The following ZFP64 variants were observed in gnomAD, a reference collection of about 807,000 sequenced individuals.
ZFP64 encodes ZFP64 zinc finger protein.
In ZFP64, 14 loss-of-function variants were observed where a neutral mutation model predicts 51.6. That is an observed-to-expected ratio of 0.27 (90% CI 0.18 to 0.42). The LOEUF is 0.42. Among genes scored for constraint, ZFP64 ranks in the 10% least tolerant of loss-of-function variants. The probability of loss-of-function intolerance (pLI) is 1.00; values close to 1 mark genes in which losing one functional copy is unlikely to be tolerated. For synonymous variants in ZFP64, 375 were observed against 361.4 expected, an observed-to-expected ratio of 1.04 and a Z score of -0.43; for missense variants, 754 against 906.8, an observed-to-expected ratio of 0.83 and a Z score of 2.16.
At chr20:52,137,459 T>C (rs1269457252) in intron 5 of ZFP64, among the ~76,000 whole-genome samples, 2 of 152,192 alleles carry the variant, frequency 1.3e-5, no homozygotes, top group African/African-American at 2.4e-5. Flanking sequence ...TCCAAGGGTA[T>C]AATTCATCTG....
chr20:52,129,186 G>A (rs866825325), intron 5 of ZFP64, among the ~76,000 whole-genome samples: 25 of 150,892 alleles, frequency 1.7e-4, no homozygotes, highest in African/African-American at 5.6e-4. Context: ...GGTTCACGCC[G>A]TTCTCCCGCC....
rs1027496643 is a variant in ZFP64, at chr20:52,085,703, T to C, written c.1229-437A>G. 2.0e-5 allele frequency among the ~76,000 whole-genome samples: 3 copies of C among 152,232 alleles called. No individual in the cohort carries two copies. Among genetic ancestry groups the C allele is most frequent in the Non-Finnish European group, 4.4e-5 (3 of 68,048 alleles). ...CTAAGACCTGTGAAGACGCTTACTA[T>C]AGTGTTTAATCTATATGACATCAGT... On this transcript the variant is annotated intron_variant, in intron 8 of 8. Transcript: ENST00000361387. This position sits in a 1 kb window ranked among gnomAD's most constrained non-coding sequence, Gnocchi z 4.3.
chr20:52,146,140 C>T (rs1980514109), intron 5 of ZFP64, among the ~76,000 whole-genome samples: 1 of 151,742 alleles, frequency 6.6e-6, no homozygotes, highest in Non-Finnish European at 1.5e-5. Flanking sequence ...GGGTCAGGAT[C>T]ATCAAGATAT....
chr20:52,105,991 T>C (rs1600712597), intron 5 of ZFP64, among the ~76,000 whole-genome samples: 1 of 152,280 alleles, frequency 6.6e-6, no homozygotes, highest in East Asian at 1.9e-4. Context: ...ATGAGGAGTG[T>C]CTCCAACTGC....
At chr20:52,145,807 C>A (rs1034961014) in intron 5 of ZFP64, among the ~76,000 whole-genome samples, 1 of 152,232 alleles carries the variant, frequency 6.6e-6, no homozygotes, top group South Asian at 2.1e-4. Flanking sequence ...TAGGTCATGA[C>A]TGTGTACTAC....
intron 2 of ZFP64, among the ~76,000 whole-genome samples, chr20:52,175,671 C>A (rs1568700061): frequency 6.6e-6 from 1 of 152,104 alleles, no homozygotes; most frequent in Non-Finnish European, 1.5e-5. Context: ...ATGGTGAAAC[C>A]CTGTCTCTGC....
At chr20:52,170,204 C>T (rs912010789) in intron 2 of ZFP64, among the ~76,000 whole-genome samples, 1 of 152,092 alleles carries the variant, frequency 6.6e-6, no homozygotes, top group African/African-American at 2.4e-5. Context: ...GTAATCCCAG[C>T]ACTTTGGGAG....
In ZFP64 at chr20:52,143,438, A is replaced by G. The variant is rs1980371372; in HGVS notation, c.763+16685T>C. 1.4e-5 allele frequency among the ~76,000 whole-genome samples: 2 copies of G among 143,578 alleles called. 1 individual carries two copies. The highest frequency in any genetic ancestry group is 1.4e-4 in the Admixed American group (2 of 13,988). The allele number at this position is 143,578 out of a possible 152,430, so 94.2% of individuals were successfully genotyped here. A position where few individuals can be genotyped will look rare whatever the true frequency, so the allele number is the denominator to read the frequency against. ...CAAGTTTTGAATGATTTTGTAGGCAATAAAGATTACAGGATATCCTGTCAG... is the reference window on the plus strand; with the variant it reads ...CAAGTTTTGAATGATTTTGTAGGCAGTAAAGATTACAGGATATCCTGTCAG... On this transcript the variant is annotated intron_variant, in intron 5 of 8. Transcript: ENST00000361387.
chr20:52,176,505 C>CTTTTTTTTT (rs557663780), intron 2 of ZFP64, among the ~76,000 whole-genome samples: 2 of 136,722 alleles, frequency 1.5e-5, no homozygotes, highest in Non-Finnish European at 3.2e-5. Context: ...TTCAATCTCT[C>CTTTTTTTTT]TTTTTTTTTT....
At chr20:52,107,352 AT>A (rs1176144367) in intron 5 of ZFP64, among the ~76,000 whole-genome samples, 1 of 152,078 alleles carries the variant, frequency 6.6e-6, no homozygotes, top group Non-Finnish European at 1.5e-5. Flanking sequence ...ACTTGCCTAC[AT>A]TTTTTAGGCT....
Position 52,152,297 on chromosome 20 carries a change from C to T in ZFP64, c.1895G>A (p.Ser632Asn), listed in dbSNP as rs750446356. The change falls in exon 6 of 6, where the codon AGC (serine) becomes AAC (asparagine). Residue 632 changes from serine (S) to asparagine (N), a missense_variant. By Grantham distance (46) the Ser-to-Asn change is conservative. Around this residue, in one of 3 missense-constraint regions of ZFP64, gnomAD observed 428 missense variants for 472.4 expected, o/e 0.91. Transcript: ENST00000216923. Reference protein sequence around the residue: ...QEGTAEVTVVSDGGQNIAVAT... With the variant: ...QEGTAEVTVVNDGGQNIAVAT... ...CACTGCGATGTTCTGGCCTCCATCG[C>T]TCACCACTGTCACTTCTGCTGTCCC... 2.5e-6 allele frequency: 4 copies of T among 1,614,080 alleles called. No homozygotes were observed. The African/African-American group carries it at 4.0e-5, about 16-fold the overall frequency.
rs553762543 is a variant in ZFP64 at position 52,174,276 on chromosome 20, G to A, written c.287-8251C>T. ...TGAGGCAGGCGGATCACCTGAGGTC[G>A]GGAGTTCGAGACCAGCCTGGCCAAC... On this transcript the variant is annotated intron_variant, in intron 2 of 5. Coordinates refer to ENST00000216923, the MANE Select transcript of ZFP64 (RefSeq NM_018197.3). Among the ~76,000 whole-genome samples, 96 of 152,094 alleles carry A rather than the reference G, an allele frequency of 6.3e-4. 1 individual carries two copies. The highest frequency in any genetic ancestry group is 2.5e-3 in the East Asian group (13 of 5,186).
chr20:52,120,460 ACGCCACTTTATCGCAC>A (rs1292057708), intron 5 of ZFP64, among the ~76,000 whole-genome samples: 1 of 152,084 alleles, frequency 6.6e-6, no homozygotes, highest in Non-Finnish European at 1.5e-5. Flanking sequence ...ATGTGCGTAT[ACGCCACTTTATCGCAC>A]GTCACAGACA....
At chr20:52,089,267 G>A (rs141899049) in intron 7 of ZFP64, among the ~76,000 whole-genome samples, 7 of 152,050 alleles carry the variant, frequency 4.6e-5, no homozygotes, top group Admixed American at 2.6e-4. Context: ...AGAAAGACAC[G>A]CCCAAGTCAA....
chr20:52,172,415 A>C (rs942912329), intron 2 of ZFP64, among the ~76,000 whole-genome samples: 1 of 152,132 alleles, frequency 6.6e-6, no homozygotes, highest in Non-Finnish European at 1.5e-5. Flanking sequence ...GGCATACTGC[A>C]AGTCGGGCAC....
At chr20:52,102,175 T>C (rs183743690) in intron 5 of ZFP64, among the ~76,000 whole-genome samples, 1 of 150,568 alleles carries the variant, frequency 6.6e-6, no homozygotes, top group Admixed American at 6.7e-5. Context: ...ATCTGTACTT[T>C]AGCCAGATCC....
At chr20:52,104,204 G>A (rs1420410899) in intron 5 of ZFP64, among the ~76,000 whole-genome samples, 5 of 152,236 alleles carry the variant, frequency 3.3e-5, no homozygotes, top group African/African-American at 1.2e-4. Context: ...CCTTAGAAAT[G>A]CAGATTCCCC....
At chr20:52,104,407 C>G (rs746142453) in intron 5 of ZFP64, among the ~76,000 whole-genome samples, 15 of 152,188 alleles carry the variant, frequency 9.9e-5, no homozygotes, top group Non-Finnish European at 2.2e-4. Context: ...CACGTGGCAG[C>G]CGAGGAGGGG....
In ZFP64 at chr20:52,172,602, G is replaced by C. The variant is rs1374319766; in HGVS notation, c.287-6577C>G. 2.6e-5 allele frequency among the ~76,000 whole-genome samples: 4 copies of C among 151,956 alleles called. No homozygotes were observed. The East Asian group carries it at 5.8e-4, about 22-fold the overall frequency. On this transcript the variant is annotated intron_variant, in intron 2 of 5. Coordinates refer to ENST00000216923, the MANE Select transcript of ZFP64 (RefSeq NM_018197.3). The stretch of plus-strand genomic sequence containing the variant: ...TGAGGCGGGATGACTCATAACCTTG[G>C]GGGGAAGTGCTTCCAGTAGAGGCGT...
Sources: gnomAD v4.1 joint callset for allele counts (sites outside exome capture counted in the v4.1 genomes callset) on GRCh38, gnomAD v4.1.1 for gene constraint, gnomAD v4.1.1 regional missense constraint, Gnocchi (gnomAD v3.1) non-coding constraint, MANE v1.5 for transcripts, NCBI Gene and HGNC (gene_info 2026-07-23, HGNC 2026-07-21) for gene names.